Variants in DPY19L2 observed in about 807,000 individuals in gnomAD.
DPY19L2 encodes the protein probable C-mannosyltransferase DPY19L2.
In DPY19L2, 34 loss-of-function variants were observed where a neutral mutation model predicts 97.9. That is an observed-to-expected ratio of 0.35 (90% CI 0.26 to 0.46). The LOEUF (loss-of-function observed/expected upper bound fraction) is 0.46, where lower values mean the gene tolerates loss of function less well. Ranked by LOEUF, DPY19L2 falls within the 20% of genes least tolerant of loss-of-function variation. The pLI is 1.00. For missense variants in DPY19L2, 623 were observed against 911.4 expected, an observed-to-expected ratio of 0.68 and a Z score of 4.07; for synonymous variants, 230 against 307.9, an observed-to-expected ratio of 0.75 and a Z score of 2.65.
At chr12:63,623,767 C>G (rs1439571001) in intron 8 of DPY19L2, 1 of 303,486 alleles carries the variant, frequency 3.3e-6, no homozygotes, top group Non-Finnish European at 6.5e-6. Flanking sequence ...TGCAGTGGCA[C>G]AATCTCGGCT....
intron 16 of DPY19L2, among the ~76,000 whole-genome samples, chr12:63,593,257 A>G (rs1883480944): frequency 6.6e-6 from 1 of 152,196 alleles, no homozygotes; most frequent in African/African-American, 2.4e-5. Flanking sequence ...CTAGAACTAG[A>G]AATACCATTT....
intron 11 of DPY19L2, among the ~76,000 whole-genome samples, chr12:63,613,925 T>C (rs766808115): frequency 1.3e-5 from 2 of 151,974 alleles, no homozygotes; most frequent in Non-Finnish European, 2.9e-5. Flanking sequence ...GCGTGGTGGC[T>C]GACACCTGTA....
intron 16 of DPY19L2, among the ~76,000 whole-genome samples, chr12:63,593,607 A>C (rs1190301512): frequency 6.6e-6 from 1 of 152,016 alleles, no homozygotes; most frequent in Non-Finnish European, 1.5e-5. Flanking sequence ...ACATGGACAC[A>C]GGAAGGGGAA....
In DPY19L2 at chr12:63,665,086, A is replaced by G. The variant is rs1896167936; in HGVS notation, c.362+749T>C. Among the ~76,000 whole-genome samples the G allele has an allele frequency of 2.0e-5, 3 of 152,316 alleles. No individual in the cohort carries two copies. In the South Asian group the frequency reaches 6.2e-4, roughly 32 times the overall value. ...CAGGCTTGCACACTGAAAGACTCAG[A>G]GCCATTTAACTCTGTACACCCACTG... On this transcript the variant is annotated intron_variant, in intron 2 of 21. Transcript: ENST00000324472.
chr12:63,666,418 G>A lies in DPY19L2; in HGVS notation c.338-559C>T, dbSNP rs986338637. Reference sequence around the variant, plus strand: ...AGCTACTAGATGGCCTAGGAGACTAGTCTGGAGTCACCTGTGCCAACGCCC... The same window carrying A: ...AGCTACTAGATGGCCTAGGAGACTAATCTGGAGTCACCTGTGCCAACGCCC... On this transcript the variant is annotated intron_variant, in intron 1 of 21. Coordinates refer to ENST00000324472, the MANE Select transcript of DPY19L2 (RefSeq NM_173812.5). The A allele has an allele frequency of 3.4e-5, 11 of 327,500 alleles. No homozygotes were observed. The Admixed American group carries it at 3.9e-4, about 12-fold the overall frequency. The allele number at this position is 327,500 out of a possible 1,614,324, so 20.3% of individuals were successfully genotyped here.
At chr12:63,630,247 C>T (rs1890354631) in intron 6 of DPY19L2, among the ~76,000 whole-genome samples, 1 of 152,106 alleles carries the variant, frequency 6.6e-6, no homozygotes, top group African/African-American at 2.4e-5. Context: ...GGGCTAAATG[C>T]TCCAATTAAA....
rs541971145 is a variant in DPY19L2, at chr12:63,570,919, C to T, written c.1901-62G>A. 4 of 1,541,730 alleles carry T rather than the reference C, an allele frequency of 2.6e-6. No individual in the cohort carries two copies. In the South Asian group the frequency reaches 3.7e-5, roughly 14 times the overall value. ...GTTTTAAAGAAAATCAGAAGTTAAACTTACCTCTAATATGTGAACCCAAAT... is the reference window on the plus strand; with the variant it reads ...GTTTTAAAGAAAATCAGAAGTTAAATTTACCTCTAATATGTGAACCCAAAT... On this transcript the variant is annotated intron_variant, in intron 19 of 21. Transcript: ENST00000324472.
At chr12:63,657,371 C>G (rs890274859) in intron 4 of DPY19L2, among the ~76,000 whole-genome samples, 6 of 152,202 alleles carry the variant, frequency 3.9e-5, no homozygotes, top group Admixed American at 3.9e-4. Flanking sequence ...CCTTGCAAAA[C>G]TCACTCAGTC....
chr12:63,622,507 A>G (rs1428921662), intron 8 of DPY19L2, among the ~76,000 whole-genome samples: 1 of 152,184 alleles, frequency 6.6e-6, no homozygotes, highest in Non-Finnish European at 1.5e-5. Flanking sequence ...ACCCCAGTAC[A>G]CTACTATTTA....
chr12:63,636,721 A>C, intron 6 of DPY19L2, among the ~76,000 whole-genome samples: 1 of 152,176 alleles, frequency 6.6e-6, no homozygotes, highest in Non-Finnish European at 1.5e-5. Context: ...GATCAATTCA[A>C]CAAGAAGAGC....
intron 12 of DPY19L2, among the ~76,000 whole-genome samples, chr12:63,601,177 C>G (rs1885131747): frequency 6.6e-6 from 1 of 152,116 alleles, no homozygotes; most frequent in African/African-American, 2.4e-5. Context: ...TATTTCTCAG[C>G]TGAAAATCCA....
chr12:63,661,557 C>CT, intron 3 of DPY19L2, 76 bp from the exon 4 acceptor site: 1 of 943,954 alleles, frequency 1.1e-6, no homozygotes, highest in Admixed American at 5.1e-5. Flanking sequence ...TTCTTTAGAA[C>CT]TTTTTTTCTG....
At chr12:63,635,800 G>C (rs1891574232) in intron 6 of DPY19L2, among the ~76,000 whole-genome samples, 1 of 152,178 alleles carries the variant, frequency 6.6e-6, no homozygotes, top group South Asian at 2.1e-4. Flanking sequence ...ATCTACGGCT[G>C]ATCGGTGTAC....
At chr12:63,607,267 T>C (rs1210346990) in intron 12 of DPY19L2, among the ~76,000 whole-genome samples, 2 of 152,118 alleles carry the variant, frequency 1.3e-5, no homozygotes, top group South Asian at 2.1e-4. Context: ...TTGTCATTTT[T>C]CAATAGTTTG....
intron 12 of DPY19L2, among the ~76,000 whole-genome samples, chr12:63,606,425 TG>T (rs1645360851): frequency 1.3e-5 from 2 of 152,254 alleles, no homozygotes; most frequent in South Asian, 4.1e-4. Context: ...CTGTGTTAAA[TG>T]TTTTCATTAT....
At chr12:63,617,891 T>C (rs994108635) in intron 10 of DPY19L2, among the ~76,000 whole-genome samples, 8 of 152,008 alleles carry the variant, frequency 5.3e-5, no homozygotes, top group African/African-American at 1.9e-4. Context: ...AAAAGGCAGT[T>C]TTAAAAGTAG....
chr12:63,657,914 T>A (rs1404859483), intron 4 of DPY19L2, among the ~76,000 whole-genome samples: 1 of 152,186 alleles, frequency 6.6e-6, no homozygotes, highest in Non-Finnish European at 1.5e-5. Flanking sequence ...AGTCAAGCAG[T>A]TCCTATTGCA....
At position 63,668,426 on chromosome 12, in the gene DPY19L2, C is replaced by A; in HGVS notation, c.-33G>T. 1 of 1,547,496 alleles carries A rather than the reference C, an allele frequency of 6.5e-7. No individual in the cohort carries two copies. The highest frequency in any genetic ancestry group is 8.7e-7 in the Non-Finnish European group (1 of 1,148,280). ...GAGTATGGTGGAGCTGGGTCAATTTCAGGCACAGCCCAGCCGAGTCAGGCG... is the reference window on the plus strand; with the variant it reads ...GAGTATGGTGGAGCTGGGTCAATTTAAGGCACAGCCCAGCCGAGTCAGGCG... On this transcript the variant is annotated 5_prime_UTR_variant, in exon 1 of 22. Transcript: ENST00000324472.
chr12:63,597,878 G>C lies in DPY19L2; in HGVS notation c.1392C>G (p.Ile464Met), dbSNP rs768107129. 1.9e-6 allele frequency: 3 copies of C among 1,601,682 alleles called. No homozygotes were observed. The East Asian group carries it at 6.7e-5, about 36-fold the overall frequency. Residue 464 changes from isoleucine (I) to methionine (M), a missense_variant, in exon 14 of 22, where the codon ATC becomes ATG. By Grantham distance (10) the Ile-to-Met change is conservative (BLOSUM62 1). Transcript: ENST00000324472. ...IRLSDLIAARILRYTDFDTLI... is the reference protein window; with the variant it reads ...IRLSDLIAARMLRYTDFDTLI... ...AAGTATCAAAATCTGTATACCTTAAGATTCTGGCTGCTATAAGATCACTCA... is the reference window on the plus strand; with the variant it reads ...AAGTATCAAAATCTGTATACCTTAACATTCTGGCTGCTATAAGATCACTCA...
Sources: gnomAD v4.1 joint callset for allele counts (sites outside exome capture counted in the v4.1 genomes callset) on GRCh38, gnomAD v4.1.1 for gene constraint, MANE v1.5 for transcripts, NCBI Gene and HGNC (gene_info 2026-07-23, HGNC 2026-07-21) for gene names.